The following QSOX1 variants were observed in gnomAD, a reference collection of about 807,000 sequenced individuals.
QSOX1 encodes the protein quiescin sulfhydryl oxidase 1.
Under a neutral mutation model 76.1 loss-of-function variants are expected in QSOX1, and 40 were observed. That is an observed-to-expected ratio of 0.53 (90% CI 0.41 to 0.68). The LOEUF is 0.68. Ranked by LOEUF, QSOX1 falls within the 30% of genes least tolerant of loss-of-function variation. The probability of loss-of-function intolerance (pLI) is 0.00; values close to 1 mark genes in which losing one functional copy is unlikely to be tolerated. For synonymous variants in QSOX1, 392 were observed against 413.1 expected (o/e 0.95, Z 0.62); for missense variants, 931 against 974.3 (o/e 0.96, Z 0.59).
rs765671331 is a variant in QSOX1 at position 180,196,504 on chromosome 1, C to T, written c.1711C>T (p.Leu571=). 2.5e-6 allele frequency: 4 copies of T among 1,614,082 alleles called. No individual in the cohort carries two copies. The South Asian group carries it at 4.4e-5, about 18-fold the overall frequency. ...APELAMGALE[L]ESRNSTLDPG... ...AGAGCTGGCGATGGGAGCCCTGGAG[C>T]TGGAAAGCCGGAATTCAACTCTGGA... is the stretch of plus-strand genomic sequence containing the variant. The change falls in exon 12 of 12, where the codon CTG becomes TTG. Residue 571 remains leucine (L), a synonymous_variant. Transcript: ENST00000367602. The surrounding 1 kb of genome is among the most constrained non-coding windows in gnomAD (Gnocchi z 4.1).
At chr1:180,164,216 C>T (rs1662558696) in intron 1 of QSOX1, among the ~76,000 whole-genome samples, 1 of 152,158 alleles carries the variant, frequency 6.6e-6, no homozygotes, top group Non-Finnish European at 1.5e-5. Flanking sequence ...AAGGATGCAC[C>T]CCAGCTTGCA....
At chr1:180,178,199 CT>C (rs1393665343) in intron 4 of QSOX1, among the ~76,000 whole-genome samples, 3 of 152,176 alleles carry the variant, frequency 2.0e-5, no homozygotes, top group African/African-American at 7.2e-5. Flanking sequence ...CCCAGTCCCC[CT>C]CCCCACACGG....
chr1:180,164,504 G>A (rs1662566417), intron 1 of QSOX1, among the ~76,000 whole-genome samples: 1 of 152,194 alleles, frequency 6.6e-6, no homozygotes, highest in South Asian at 2.1e-4. Context: ...GAAAGAAGGG[G>A]GTGGTGTGGC....
intron 5 of QSOX1, among the ~76,000 whole-genome samples, chr1:180,179,274 C>A (rs1348223814): frequency 6.6e-6 from 1 of 152,168 alleles, no homozygotes; most frequent in Non-Finnish European, 1.5e-5. Flanking sequence ...AATGTTGTTT[C>A]CACAGTGTCC....
intron 7 of QSOX1, among the ~76,000 whole-genome samples, chr1:180,185,371 T>G (rs1047987988): frequency 3.3e-5 from 5 of 152,176 alleles, no homozygotes; most frequent in African/African-American, 7.2e-5. Context: ...GGCACCCAAC[T>G]TTCCTGGCCC....
chr1:180,194,600 A>G (rs1209631540), intron 11 of QSOX1, among the ~76,000 whole-genome samples: 1 of 152,200 alleles, frequency 6.6e-6, no homozygotes, highest in African/African-American at 2.4e-5. Context: ...TGGTCTTCCC[A>G]TGCCGTTGCT....
chr1:180,173,839 A>G (rs555977821), intron 2 of QSOX1, among the ~76,000 whole-genome samples: 1 of 152,314 alleles, frequency 6.6e-6, no homozygotes, highest in South Asian at 2.1e-4. Context: ...AGCACTTTAG[A>G]TGTATGGTCA....
At chr1:180,171,954 G>A (rs1005042592) in intron 2 of QSOX1, among the ~76,000 whole-genome samples, 25 of 152,314 alleles carry the variant, frequency 1.6e-4, no homozygotes, top group African/African-American at 5.8e-4. Flanking sequence ...CCAGGAGGGC[G>A]GGGAGAGATC....
intron 7 of QSOX1, among the ~76,000 whole-genome samples, chr1:180,185,362 G>A (rs1387252122): frequency 6.6e-6 from 1 of 152,204 alleles, no homozygotes; most frequent in Non-Finnish European, 1.5e-5. Context: ...AGGGGAAGAG[G>A]CACCCAACTT....
At chr1:180,174,829 A>G (rs1285777608) in intron 2 of QSOX1, among the ~76,000 whole-genome samples, 2 of 152,098 alleles carry the variant, frequency 1.3e-5, no homozygotes, top group Non-Finnish European at 2.9e-5. Flanking sequence ...CTCCTAGAGC[A>G]ACCTCCCCCC....
intron 2 of QSOX1, among the ~76,000 whole-genome samples, chr1:180,172,146 A>T (rs1316491902): frequency 6.6e-6 from 1 of 152,120 alleles, no homozygotes; most frequent in African/African-American, 2.4e-5. Context: ...GCCTCTCTTC[A>T]TCCCCATCCT....
intron 1 of QSOX1, among the ~76,000 whole-genome samples, chr1:180,159,955 G>A (rs1357272347): frequency 6.6e-6 from 1 of 152,082 alleles, no homozygotes; most frequent in Non-Finnish European, 1.5e-5. Flanking sequence ...TTGGGTTTTC[G>A]GTCTTAACAC....
Position 180,197,948 on chromosome 1 carries a change from G to A in QSOX1, c.*911G>A. On this transcript the variant is annotated 3_prime_UTR_variant, in exon 12 of 12. Transcript: ENST00000367602. ...AGTGTGCAGAAGTTAGAAGGGTCTG[G>A]CGGGGGCAGTGCCTTACACATGCTT... 1 of 349,206 alleles carries A rather than the reference G, an allele frequency of 2.9e-6. No homozygotes were observed. The allele number at this position is 349,206 out of a possible 1,614,324, so 21.6% of individuals were successfully genotyped here. A position where few individuals can be genotyped will look rare whatever the true frequency, so the allele number is the denominator to read the frequency against.
chr1:180,186,255 C>T, intron 8 of QSOX1, 73 bp downstream of exon 8: 1 of 1,536,606 alleles, frequency 6.5e-7, no homozygotes, highest in Non-Finnish European at 8.8e-7. Context: ...TAAGGCTGGG[C>T]ACCCCGTCAG....
intron 1 of QSOX1, among the ~76,000 whole-genome samples, chr1:180,158,713 A>AT (rs1430314077): frequency 1.1e-4 from 16 of 151,870 alleles, no homozygotes; most frequent in South Asian, 8.3e-4. Context: ...GGGTCAGTAG[A>AT]TTCTAGTCAC....
At chr1:180,185,934 GA>G (rs1663158512) in intron 7 of QSOX1, 118 bp from the exon 8 acceptor site, 2 of 1,254,338 alleles carry the variant, frequency 1.6e-6, no homozygotes, top group Admixed American at 3.5e-5. Flanking sequence ...TAACTTACAA[GA>G]CTCTGTGACC....
chr1:180,198,868 C>T lies in QSOX1; in HGVS notation c.*1831C>T, dbSNP rs1365710230. The T allele has an allele frequency of 5.6e-6, 1 of 179,318 alleles. No homozygotes were observed. The highest frequency in any genetic ancestry group is 1.4e-4 in the East Asian group (1 of 7,240). The allele number at this position is 179,318 out of a possible 1,614,324, so 11.1% of individuals were successfully genotyped here. A position where few individuals can be genotyped will look rare whatever the true frequency, so the allele number is the denominator to read the frequency against. ...TCCCAGGGCCGGTGCCCTGTGTGCC[C>T]ACTGCACCAAGGCCGCTGAATAAGC... On this transcript the variant is annotated 3_prime_UTR_variant, in exon 12 of 12. Transcript: ENST00000367602.
In QSOX1 at chr1:180,198,853, G is replaced by A. The variant is rs746245450; in HGVS notation, c.*1816G>A. ...GAGGAAGACAGAGGCTCCCAGGGCC[G>A]GTGCCCTGTGTGCCCACTGCACCAA... On this transcript the variant is annotated 3_prime_UTR_variant, in exon 12 of 12. Coordinates refer to ENST00000367602, the MANE Select transcript of QSOX1 (RefSeq NM_002826.5). 1.0e-5 allele frequency: 2 copies of A among 191,064 alleles called. No individual in the cohort carries two copies. The highest frequency in any genetic ancestry group is 2.2e-5 in the Non-Finnish European group (2 of 90,232). The allele number at this position is 191,064 out of a possible 1,614,324, so 11.8% of individuals were successfully genotyped here.
intron 5 of QSOX1, 63 bp downstream of exon 5, chr1:180,178,947 G>A: frequency 2.7e-6 from 4 of 1,468,588 alleles, no homozygotes; most frequent in Non-Finnish European, 3.8e-6. Context: ...CCCAGTTTGG[G>A]AGCAGGGCTT....
Sources: allele counts gnomAD v4.1 joint callset (sites outside exome capture counted in the v4.1 genomes callset), GRCh38; gene constraint gnomAD v4.1.1; non-coding constraint Gnocchi (gnomAD v3.1); transcripts MANE v1.5; gene names NCBI Gene and HGNC (gene_info 2026-07-23, HGNC 2026-07-21).